The following USF2 variants were observed in gnomAD, a reference collection of about 807,000 sequenced individuals.
USF2 encodes upstream transcription factor 2, c-fos interacting.
In USF2, 16 loss-of-function variants were observed where a neutral mutation model predicts 46.9. The observed-to-expected ratio is 0.34, with a 90% CI of 0.23 to 0.52. USF2 has a LOEUF of 0.52. Among genes scored for constraint, USF2 ranks in the 20% least tolerant of loss-of-function variants. USF2 has a pLI of 0.96. For missense variants in USF2, 411 were observed against 474.0 expected, an observed-to-expected ratio of 0.87 and a Z score of 1.23; for synonymous variants, 239 against 194.1, an observed-to-expected ratio of 1.23 and a Z score of -1.92.
chr19:35,269,753 G>A, intron 3 of USF2, 50 bp from the exon 4 acceptor site: 1 of 1,486,018 alleles, frequency 6.7e-7, no homozygotes, highest in Non-Finnish European at 8.9e-7. Context: ...CGCCGGGAAG[G>A]CTCGGACCTG....
intron 1 of USF2, 42 bp downstream of exon 1, chr19:35,269,205 G>GT: frequency 2.1e-6 from 2 of 964,568 alleles, no homozygotes; most frequent in Non-Finnish European, 2.4e-6. Flanking sequence ...CCCCGGCCCC[G>GT]GCCCCGGCCC....
At chr19:35,271,024 T>C in intron 6 of USF2, 59 bp from the exon 7 acceptor site, 1 of 1,597,894 alleles carries the variant, frequency 6.3e-7, no homozygotes, top group Non-Finnish European at 8.6e-7. Flanking sequence ...ACTTAGCAGA[T>C]GCTTGGGCAA....
chr19:35,275,765 T>TA (rs1275771869), intron 7 of USF2: 2 of 152,236 alleles, frequency 1.3e-5, no homozygotes, highest in Non-Finnish European at 2.9e-5. Flanking sequence ...TCAGAGAACA[T>TA]ACTCTGTATG....
At chr19:35,274,826 C>G (rs903694007) in intron 7 of USF2, among the ~76,000 whole-genome samples, 1 of 152,164 alleles carries the variant, frequency 6.6e-6, no homozygotes, top group Non-Finnish European at 1.5e-5. Context: ...TTGTGGGGGG[C>G]CCCCAGTGAT....
At chr19:35,275,356 CACTT>C (rs905586025) in intron 7 of USF2, 5 of 152,230 alleles carry the variant, frequency 3.3e-5, no homozygotes, top group African/African-American at 9.6e-5. Context: ...CCCTTCTACT[CACTT>C]TGGATTCAAT....
intron 7 of USF2, among the ~76,000 whole-genome samples, chr19:35,272,783 T>C (rs1311479886): frequency 1.3e-5 from 2 of 151,784 alleles, no homozygotes; most frequent in Non-Finnish European, 2.9e-5. Flanking sequence ...GGCTGGAGAA[T>C]AAGGGTTTCG....
rs965844157 is a variant in USF2 at position 35,273,904 on chromosome 19, G to A, written c.727+2763G>A. On this transcript the variant is annotated intron_variant, in intron 7 of 9. Coordinates refer to ENST00000222305, the MANE Select transcript of USF2 (RefSeq NM_003367.4). ...AGGTGTATGACTTGTGAGGCCCAGC[G>A]ATGGGCTCGGAAGCTCTTGGTCAGT... Among the ~76,000 whole-genome samples, 9 of 152,328 alleles carry A rather than the reference G, an allele frequency of 5.9e-5. No individual in the cohort carries two copies. In the East Asian group the frequency reaches 1.5e-3, roughly 26 times the overall value.
intron 1 of USF2, 24 bp from the exon 2 acceptor site, chr19:35,269,422 T>G: frequency 6.8e-7 from 1 of 1,462,224 alleles, no homozygotes; most frequent in East Asian, 2.9e-5. Flanking sequence ...GCGCTGACCC[T>G]GCTCCCTCCT....
rs1047533275 is a variant in USF2 at position 35,271,091 on chromosome 19, A to G, written c.677A>G (p.Asp226Gly). Residue 226 changes from aspartate to glycine, a missense_variant, in exon 7 of 10, where the codon GAT becomes GGT. By Grantham distance (94) the Asp-to-Gly change is moderately conservative (BLOSUM62 -1). Around this residue, in one of 2 missense-constraint regions of USF2, gnomAD observed 318 missense variants for 322.4 expected, o/e 0.99. Coordinates refer to ENST00000222305, the MANE Select transcript of USF2 (RefSeq NM_003367.4). The stretch of plus-strand genomic sequence containing the variant: ...TTTTCCTCCTCTTGTAGAAAAATTG[A>G]TGGAACCAGAACACCCCGAGATGAG... ...PRTHPYSPKI[D>G]GTRTPRDERR... 1.9e-6 allele frequency: 3 copies of G among 1,613,860 alleles called. No individual in the cohort carries two copies. In the Admixed American group the frequency reaches 5.0e-5, roughly 27 times the overall value.
chr19:35,269,217 G>GGCCC, intron 1 of USF2, 54 bp downstream of exon 1: 1 of 962,788 alleles, frequency 1.0e-6, no homozygotes, highest in Non-Finnish European at 1.2e-6. Flanking sequence ...CCCCGGCCCC[G>GGCCC]CGGCCTGCAG....
Position 35,279,259 on chromosome 19 carries a change from CCCGCCACCACCACGCAG to C in USF2, c.*9_*25del, listed in dbSNP as rs768253778. 2.5e-5 allele frequency: 38 copies of C among 1,516,246 alleles called. No individual in the cohort carries two copies. Among genetic ancestry groups the C allele is most frequent in the Non-Finnish European group, 3.4e-5 (38 of 1,131,198 alleles). 93.9% of individuals were successfully genotyped at this position (1,516,246 alleles called of 1,614,324 possible). A position where few individuals can be genotyped will look rare whatever the true frequency, so the allele number is the denominator to read the frequency against. Reference sequence around the variant, plus strand: ...TGGGCGAGGGCACCCGGCAGTGACGCCCGCCACCACCACGCAGCCGCCGCCGCCCACGCCGGCCTCTG... The same window carrying C: ...TGGGCGAGGGCACCCGGCAGTGACGCCCGCCGCCGCCCACGCCGGCCTCTG... On this transcript the variant is annotated 3_prime_UTR_variant, in exon 10 of 10. Transcript: ENST00000222305.
At position 35,269,887 on chromosome 19, in the gene USF2, G is replaced by T. The variant is rs1023619519; in HGVS notation, c.313G>T (p.Ala105Ser). Residue 105 changes from alanine (A) to serine (S), a missense_variant, in exon 4 of 10, where the codon GCT becomes TCT. Physicochemically the swap from Ala to Ser is moderately conservative, Grantham distance 99 (BLOSUM62 1). This residue lies in a region of USF2 where 318 missense variants were observed against 322.4 expected (regional missense o/e 0.99). Coordinates refer to ENST00000222305, the MANE Select transcript of USF2 (RefSeq NM_003367.4). ...TGGCGCCGTCAGCGTCGTGTCCACC[G>T]CTGCCTTCGCGGGGGGGCAGCAGGC... Reference protein sequence around the residue: ...TAGAVSVVSTAAFAGGQQAVT... With the variant: ...TAGAVSVVSTSAFAGGQQAVT... 5.7e-6 allele frequency: 8 copies of T among 1,407,420 alleles called. No homozygotes were observed. In the Middle Eastern group the frequency reaches 9.2e-4, roughly 161 times the overall value. The allele number at this position is 1,407,420 out of a possible 1,614,324, so 87.2% of individuals were successfully genotyped here. A position where few individuals can be genotyped will look rare whatever the true frequency, so the allele number is the denominator to read the frequency against.
In USF2 at chr19:35,270,780, G is replaced by GC. The variant is rs769279094; in HGVS notation, c.649dup (p.Arg217ProfsTer10). ...TCAGACAGGAACACAGAGGACGATC[G>GC]CCCCCCGGACACACCCTTACTCTCC... On this transcript the variant is annotated frameshift_variant, in exon 6 of 10. Transcript: ENST00000222305. LOFTEE classifies it high-confidence loss of function. The GC allele has an allele frequency of 1.2e-6, 2 of 1,613,812 alleles. No individual in the cohort carries two copies. Among genetic ancestry groups the GC allele is most frequent in the East Asian group, 2.2e-5 (1 of 44,886 alleles).
intron 6 of USF2, 31 bp from the exon 7 acceptor site, chr19:35,271,052 C>G (rs746371006): frequency 1.9e-6 from 3 of 1,612,960 alleles, no homozygotes; most frequent in Non-Finnish European, 1.7e-6. Context: ...TGCGATAATA[C>G]ATGCCCCCTT....
chr19:35,272,095 C>T (rs1385593167), intron 7 of USF2, among the ~76,000 whole-genome samples: 2 of 152,130 alleles, frequency 1.3e-5, no homozygotes, highest in Non-Finnish European at 2.9e-5. Context: ...GTCTGTGGCC[C>T]AGGTAGTTGT....
At chr19:35,269,364 A>C in intron 1 of USF2, 82 bp from the exon 2 acceptor site, 1 of 1,205,900 alleles carries the variant, frequency 8.3e-7, no homozygotes, top group Non-Finnish European at 1.0e-6. Context: ...GCCGGGTGGG[A>C]CTGGGGCCCT....
At chr19:35,272,488 G>A (rs555312935) in intron 7 of USF2, among the ~76,000 whole-genome samples, 39 of 152,144 alleles carry the variant, frequency 2.6e-4, no homozygotes, top group Non-Finnish European at 3.8e-4. Context: ...AGCCAGGGCC[G>A]CCATGGTGTG....
chr19:35,270,325 G>T (rs1374007498), intron 4 of USF2, 122 bp from the exon 5 acceptor site: 1 of 1,377,142 alleles, frequency 7.3e-7, no homozygotes, highest in Admixed American at 2.4e-5. Flanking sequence ...AATGCTACAC[G>T]CAGAAGGAGT....
At chr19:35,270,917 T>C (rs1476214592) in intron 6 of USF2, 112 bp downstream of exon 6, 9 of 1,476,124 alleles carry the variant, frequency 6.1e-6, no homozygotes, top group Non-Finnish European at 8.5e-6. Flanking sequence ...AATGTTTTTT[T>C]TCTTTGCCTG....
Sources: gnomAD v4.1 joint callset for allele counts (sites outside exome capture counted in the v4.1 genomes callset) on GRCh38, gnomAD v4.1.1 for gene constraint, gnomAD v4.1.1 regional missense constraint, MANE v1.5 for transcripts, NCBI Gene and HGNC (gene_info 2026-07-23, HGNC 2026-07-21) for gene names.